Variants in BBS9 observed in about 807,000 individuals in gnomAD.
The protein encoded by BBS9 is Bardet-Biedl syndrome 9.
BBS9 carries 89 observed loss-of-function variants against 117.7 expected under a neutral mutation model. The observed-to-expected ratio is 0.76, with a 90% CI of 0.64 to 0.90. BBS9 has a LOEUF of 0.90. Ranked by LOEUF, BBS9 falls within the 40% of genes least tolerant of loss-of-function variation. The probability of loss-of-function intolerance (pLI) is 0.00; values close to 1 mark genes in which losing one functional copy is unlikely to be tolerated. For synonymous variants in BBS9, 379 were observed against 370.9 expected, an observed-to-expected ratio of 1.02 and a Z score of -0.25; for missense variants, 982 against 1,042.2, an observed-to-expected ratio of 0.94 and a Z score of 0.80.
chr7:33,282,567 T>G (rs1390461835), intron 9 of BBS9, among the ~76,000 whole-genome samples: 1 of 151,998 alleles, frequency 6.6e-6, no homozygotes, highest in Non-Finnish European at 1.5e-5. Flanking sequence ...AGAGACAGGG[T>G]TTCAATATCT....
At chr7:33,258,280 T>A (rs1288352154) in intron 6 of BBS9, among the ~76,000 whole-genome samples, 1 of 151,630 alleles carries the variant, frequency 6.6e-6, no homozygotes, top group Non-Finnish European at 1.5e-5. Context: ...TTTGGCCACA[T>A]CATTATTCCC....
intron 17 of BBS9, among the ~76,000 whole-genome samples, chr7:33,370,375 T>C (rs1584527269): frequency 6.6e-6 from 1 of 150,872 alleles, no homozygotes. Context: ...GAAGCTGAGG[T>C]GGGAGGATCA....
chr7:33,583,256 G>A (rs1205109154), intron 21 of BBS9, among the ~76,000 whole-genome samples: 1 of 151,814 alleles, frequency 6.6e-6, no homozygotes, highest in African/African-American at 2.4e-5. Flanking sequence ...TATTTGTGTT[G>A]CTTTTTGGTG....
chr7:33,176,004 G>T (rs1200846708), intron 4 of BBS9, among the ~76,000 whole-genome samples: 2 of 152,190 alleles, frequency 1.3e-5, no homozygotes, highest in Non-Finnish European at 2.9e-5. Flanking sequence ...GGGTTGCTTA[G>T]TAAAGTTTGT....
At chr7:33,400,289 A>G (rs576677385) in intron 19 of BBS9, among the ~76,000 whole-genome samples, 61 of 152,284 alleles carry the variant, frequency 4.0e-4, no homozygotes, top group Admixed American at 8.5e-4. Flanking sequence ...TAATATTACA[A>G]TAAAACTATT....
chr7:33,635,031 C>G (rs1026925562), intron 21 of BBS9, among the ~76,000 whole-genome samples: 2 of 152,158 alleles, frequency 1.3e-5, no homozygotes, highest in African/African-American at 4.8e-5. Context: ...ACCATCGGTA[C>G]CCAGTGTCCT....
intron 5 of BBS9, among the ~76,000 whole-genome samples, chr7:33,255,139 A>C (rs1796822870): frequency 6.6e-6 from 1 of 151,958 alleles, no homozygotes; most frequent in Admixed American, 6.6e-5. Flanking sequence ...CTGTGCAGAA[A>C]ATTTTTAGTT....
intron 5 of BBS9, among the ~76,000 whole-genome samples, chr7:33,237,818 G>A (rs763894130): frequency 6.6e-6 from 1 of 152,164 alleles, no homozygotes; most frequent in Non-Finnish European, 1.5e-5. Flanking sequence ...AGTAATGGAT[G>A]CTTATTCAAA....
intron 17 of BBS9, chr7:33,380,834 A>G (rs1824871894): frequency 6.6e-6 from 1 of 152,398 alleles, no homozygotes; most frequent in Non-Finnish European, 1.5e-5. Context: ...GGAGATCACA[A>G]AGCTGTGAAA....
At chr7:33,300,816 TA>T (rs1167399961) in intron 9 of BBS9, among the ~76,000 whole-genome samples, 1 of 152,086 alleles carries the variant, frequency 6.6e-6, no homozygotes, top group East Asian at 1.9e-4. Context: ...TCCTTCTGCC[TA>T]AAAAATGCTC....
At chr7:33,516,656 A>T (rs577635337) in intron 20 of BBS9, among the ~76,000 whole-genome samples, 10 of 152,290 alleles carry the variant, frequency 6.6e-5, no homozygotes, top group Non-Finnish European at 1.5e-4. Context: ...ATCTTGGAGT[A>T]GGTGTTTTTG....
intron 15 of BBS9, among the ~76,000 whole-genome samples, chr7:33,353,269 C>G (rs950903046): frequency 6.6e-6 from 1 of 152,134 alleles, no homozygotes; most frequent in Non-Finnish European, 1.5e-5. Flanking sequence ...TTTCTACATC[C>G]TCCAAGAGAT....
At chr7:33,481,755 T>A (rs1842539172) in intron 19 of BBS9, among the ~76,000 whole-genome samples, 1 of 152,226 alleles carries the variant, frequency 6.6e-6, no homozygotes, top group South Asian at 2.1e-4. Flanking sequence ...AGGGGTGATT[T>A]GTAGAGGATG....
intron 19 of BBS9, among the ~76,000 whole-genome samples, chr7:33,403,811 A>G (rs1364140503): frequency 6.6e-6 from 1 of 152,100 alleles, no homozygotes; most frequent in Non-Finnish European, 1.5e-5. Context: ...CATGATTTAT[A>G]GTCCTTTGGG....
intron 5 of BBS9, among the ~76,000 whole-genome samples, chr7:33,202,135 G>A (rs1785985274): frequency 6.6e-6 from 1 of 152,164 alleles, no homozygotes; most frequent in African/African-American, 2.4e-5. Context: ...TATAAGGAGA[G>A]TGGCAATGTT....
At chr7:33,154,140 G>T (rs1018683423) in intron 3 of BBS9, among the ~76,000 whole-genome samples, 1 of 152,126 alleles carries the variant, frequency 6.6e-6, no homozygotes, top group African/African-American at 2.4e-5. Context: ...TGTTTTGAAT[G>T]TCCAGGGTAC....
chr7:33,435,127 T>G (rs909062346), intron 19 of BBS9, among the ~76,000 whole-genome samples: 1 of 152,144 alleles, frequency 6.6e-6, no homozygotes, highest in Non-Finnish European at 1.5e-5. Flanking sequence ...AAATACCGCA[T>G]GTTGAGAAGG....
intron 9 of BBS9, among the ~76,000 whole-genome samples, chr7:33,281,957 G>A (rs1801989587): frequency 1.3e-5 from 2 of 151,774 alleles, no homozygotes; most frequent in African/African-American, 2.4e-5. Context: ...TGGGACTATA[G>A]GTACATGCCA....
chr7:33,264,507 T>C (rs1798484870), intron 7 of BBS9, 133 bp downstream of exon 7: 2 of 527,266 alleles, frequency 3.8e-6, no homozygotes, highest in East Asian at 3.4e-5. Flanking sequence ...TATGGTTATA[T>C]TAATGACCTA....
Sources: gnomAD v4.1 joint callset for allele counts (sites outside exome capture counted in the v4.1 genomes callset) on GRCh38, gnomAD v4.1.1 for gene constraint, MANE v1.5 for transcripts, NCBI Gene and HGNC (gene_info 2026-07-23, HGNC 2026-07-21) for gene names.